GRID2: variants seen among roughly 807,000 people sequenced by gnomAD.
The protein encoded by GRID2 is glutamate ionotropic receptor delta type subunit 2.
GRID2 carries 33 observed loss-of-function variants against 114.8 expected under a neutral mutation model. The observed-to-expected ratio is 0.29, with a 90% CI of 0.22 to 0.38. GRID2 has a LOEUF of 0.38. Among genes scored for constraint, GRID2 ranks in the 10% least tolerant of loss-of-function variants. GRID2 has a pLI of 1.00. For synonymous variants in GRID2, 505 were observed against 449.9 expected (o/e 1.12, Z -1.55); for missense variants, 1,184 against 1,257.7 (o/e 0.94, Z 0.89).
chr4:93,537,390 G>C (rs1244743148), intron 13 of GRID2, among the ~76,000 whole-genome samples: 9 of 151,652 alleles, frequency 5.9e-5, no homozygotes, highest in Admixed American at 2.0e-4. Flanking sequence ...AAGGAATTTT[G>C]CCTTCTAATA....
chr4:93,142,283 A>G (rs1735844961), intron 4 of GRID2, among the ~76,000 whole-genome samples: 1 of 152,158 alleles, frequency 6.6e-6, no homozygotes, highest in Non-Finnish European at 1.5e-5. Flanking sequence ...GTATTAATCT[A>G]TCTGGGCTGC....
At chr4:93,238,891 C>T (rs1186639791) in intron 8 of GRID2, among the ~76,000 whole-genome samples, 1 of 151,308 alleles carries the variant, frequency 6.6e-6, no homozygotes, top group African/African-American at 2.4e-5. Context: ...AGAAAGTCTA[C>T]TGCAAGATGT....
At chr4:93,098,556 G>T (rs912239930) in intron 3 of GRID2, among the ~76,000 whole-genome samples, 2 of 151,990 alleles carry the variant, frequency 1.3e-5, no homozygotes, top group African/African-American at 4.8e-5. Context: ...TGTTTTAATG[G>T]AATTATTCTC....
chr4:93,345,160 G>A (rs1435068576), intron 8 of GRID2, among the ~76,000 whole-genome samples: 1 of 151,922 alleles, frequency 6.6e-6, no homozygotes, highest in African/African-American at 2.4e-5. Flanking sequence ...TATTTCTTTT[G>A]TATATATACT....
intron 2 of GRID2, among the ~76,000 whole-genome samples, chr4:92,630,564 G>A (rs1463317851): frequency 6.6e-6 from 1 of 152,060 alleles, no homozygotes; most frequent in African/African-American, 2.4e-5. Context: ...AGCATCCTAT[G>A]CTTAATGCAG....
At chr4:93,661,218 T>C (rs2149737399) in intron 14 of GRID2, among the ~76,000 whole-genome samples, 1 of 152,342 alleles carries the variant, frequency 6.6e-6, no homozygotes, top group Middle Eastern at 3.4e-3. Flanking sequence ...ATTGTTTTCA[T>C]GGTCATTTGC....
rs139051189 is a variant in GRID2, at chr4:92,905,804, TCAGA to T, written c.245-179188_245-179185del. Among the ~76,000 whole-genome samples the T allele has an allele frequency of 1.2e-3, 190 of 152,130 alleles. 1 individual carries two copies. The highest frequency in any genetic ancestry group is 4.2e-3 in the African/African-American group (176 of 41,528). On this transcript the variant is annotated intron_variant, in intron 2 of 15. Coordinates refer to ENST00000282020, the MANE Select transcript of GRID2 (RefSeq NM_001510.4). ...TAGCTGCTGGGAGGTATTGCTACAA[TCAGA>T]CAATCAGAGGACTCAAAGTTTGCAA...
chr4:93,534,737 T>G (rs1289328582), intron 13 of GRID2, among the ~76,000 whole-genome samples: 1 of 152,120 alleles, frequency 6.6e-6, no homozygotes, highest in Non-Finnish European at 1.5e-5. Context: ...CAAAGTATAT[T>G]AAATTAACAA....
chr4:92,511,519 A>C (rs1724250733), intron 1 of GRID2, among the ~76,000 whole-genome samples: 1 of 151,884 alleles, frequency 6.6e-6, no homozygotes, highest in Non-Finnish European at 1.5e-5. Context: ...TAAACTATAA[A>C]TACAAACTGG....
chr4:93,670,321 C>A (rs1164885097), intron 14 of GRID2, among the ~76,000 whole-genome samples: 1 of 152,116 alleles, frequency 6.6e-6, no homozygotes, highest in African/African-American at 2.4e-5. Context: ...AAATTTATAT[C>A]TCTTGGGATA....
intron 2 of GRID2, among the ~76,000 whole-genome samples, chr4:92,876,963 T>C (rs147852047): frequency 3.3e-5 from 5 of 152,364 alleles, no homozygotes; most frequent in East Asian, 1.9e-4. Context: ...ATTTTAATTG[T>C]ATTTTTTAAA....
At chr4:92,791,922 C>A (rs1327825833) in intron 2 of GRID2, among the ~76,000 whole-genome samples, 1 of 151,758 alleles carries the variant, frequency 6.6e-6, no homozygotes, top group Non-Finnish European at 1.5e-5. Context: ...CCTCATGCAG[C>A]ATGTGTTGAA....
At chr4:93,100,983 A>G (rs28707555) in intron 3 of GRID2, among the ~76,000 whole-genome samples, 87,877 of 151,864 alleles carry the variant, frequency 0.58, 27,737 homozygotes, top group African/African-American at 0.82. Context: ...TCTGTAATAC[A>G]GTCTGTGGTA....
intron 7 of GRID2, among the ~76,000 whole-genome samples, chr4:93,228,562 C>G (rs1275045942): frequency 6.6e-6 from 1 of 152,052 alleles, no homozygotes; most frequent in Non-Finnish European, 1.5e-5. Flanking sequence ...AACAAAAGTA[C>G]TTGAGAATTA....
intron 2 of GRID2, among the ~76,000 whole-genome samples, chr4:92,788,365 A>G (rs1413627833): frequency 1.3e-5 from 2 of 151,896 alleles, no homozygotes; most frequent in East Asian, 3.9e-4. Context: ...TCCCAACTGA[A>G]GTGGTTTTGA....
chr4:92,346,894 G>A (rs2110174644), intron 1 of GRID2, among the ~76,000 whole-genome samples: 1 of 152,260 alleles, frequency 6.6e-6, no homozygotes, highest in East Asian at 1.9e-4. Context: ...CAAGTGATAT[G>A]TATTTATGCA....
intron 2 of GRID2, among the ~76,000 whole-genome samples, chr4:93,055,521 AAACAAC>A (rs768197501): frequency 6.6e-6 from 1 of 151,954 alleles, no homozygotes; most frequent in East Asian, 1.9e-4. Context: ...AAGTATAATT[AAACAAC>A]AACAACAACA....
intron 6 of GRID2, 41 bp downstream of exon 6, chr4:93,216,952 G>A (rs1744297666): frequency 7.0e-7 from 1 of 1,422,706 alleles, no homozygotes; most frequent in Non-Finnish European, 9.9e-7. Flanking sequence ...AGGGTGCTTT[G>A]TTGGGCAATT....
intron 14 of GRID2, among the ~76,000 whole-genome samples, chr4:93,707,259 G>A (rs961698339): frequency 9.2e-5 from 14 of 151,988 alleles, no homozygotes; most frequent in African/African-American, 2.7e-4. Flanking sequence ...ATTTTTTGGA[G>A]TACTTTGAGA....
Sources: allele counts gnomAD v4.1 joint callset (sites outside exome capture counted in the v4.1 genomes callset), GRCh38; gene constraint gnomAD v4.1.1; transcripts MANE v1.5; gene names NCBI Gene and HGNC (gene_info 2026-07-23, HGNC 2026-07-21).